The following COMT variants were observed in gnomAD, a reference collection of about 807,000 sequenced individuals.
The protein encoded by COMT is catechol-O-methyltransferase.
In COMT, 13 loss-of-function variants were observed where a neutral mutation model predicts 18.9. The observed-to-expected ratio is 0.69, with a 90% CI of 0.45 to 1.09. The LOEUF (loss-of-function observed/expected upper bound fraction) is 1.09, where lower values mean the gene tolerates loss of function less well. Ranked by LOEUF, COMT falls within the 50% of genes least tolerant of loss-of-function variation. The probability of loss-of-function intolerance (pLI) is 0.00; values close to 1 mark genes in which losing one functional copy is unlikely to be tolerated. For missense variants in COMT, 329 were observed against 361.8 expected (o/e 0.91, Z 0.73); for synonymous variants, 150 against 160.9 (o/e 0.93, Z 0.51).
intron 5 of COMT, chr22:19,967,013 A>C (rs534926620): frequency 4.1e-6 from 4 of 985,358 alleles, no homozygotes; most frequent in African/African-American, 3.5e-5. Flanking sequence ...AGCTGGTAGG[A>C]GGCTTGCAGT....
At chr22:19,943,478 C>CA (rs1941779954) in intron 1 of COMT, among the ~76,000 whole-genome samples, 2 of 151,862 alleles carry the variant, frequency 1.3e-5, no homozygotes, top group South Asian at 2.1e-4. Flanking sequence ...CCCATCTCTA[C>CA]AAAAAATTTA....
At chr22:19,964,635 G>A in intron 5 of COMT, 2 of 594,914 alleles carry the variant, frequency 3.4e-6, no homozygotes, top group Non-Finnish European at 6.0e-6. Context: ...AGATGGGGTG[G>A]GGAAGGGCCG....
At chr22:19,955,967 GA>G (rs2146146725) in intron 1 of COMT, among the ~76,000 whole-genome samples, 1 of 152,186 alleles carries the variant, frequency 6.6e-6, no homozygotes, top group East Asian at 1.9e-4. Flanking sequence ...CTCCCAGGAG[GA>G]GGAGAAAGAC....
At chr22:19,950,636 G>C (rs915745230) in intron 1 of COMT, among the ~76,000 whole-genome samples, 1 of 152,092 alleles carries the variant, frequency 6.6e-6, no homozygotes, top group Non-Finnish European at 1.5e-5. Context: ...GGGGCTGGAG[G>C]GGGAAGAGAG....
chr22:19,953,292 TTTG>T (rs1450999280), intron 1 of COMT, among the ~76,000 whole-genome samples: 11 of 152,172 alleles, frequency 7.2e-5, no homozygotes, highest in African/African-American at 1.9e-4. Context: ...GCTTTGTTTT[TTTG>T]TTGTTGTTTT....
intron 1 of COMT, among the ~76,000 whole-genome samples, chr22:19,949,984 A>C (rs72556506): frequency 1.6e-4 from 24 of 152,318 alleles, no homozygotes; most frequent in South Asian, 1.2e-3. Flanking sequence ...AAAAAGTACA[A>C]AAAGTTACGC....
intron 5 of COMT, chr22:19,966,831 G>T: frequency 3.2e-6 from 2 of 622,538 alleles, no homozygotes; most frequent in Non-Finnish European, 4.0e-6. Context: ...TGCAACCTCT[G>T]TGAGGCTCCA....
chr22:19,953,167 G>A (rs1161602807), intron 1 of COMT, among the ~76,000 whole-genome samples: 2 of 152,070 alleles, frequency 1.3e-5, no homozygotes, highest in Non-Finnish European at 2.9e-5. Context: ...TGGCCTGGGC[G>A]CTGGGGGTGG....
chr22:19,957,219 G>A (rs905394153), intron 1 of COMT, among the ~76,000 whole-genome samples: 2 of 152,134 alleles, frequency 1.3e-5, no homozygotes, highest in African/African-American at 4.8e-5. Context: ...CAAAGTGCTG[G>A]GATTACAGGC....
chr22:19,967,027 G>A (rs1285830339), intron 5 of COMT: 33 of 1,200,974 alleles, frequency 2.7e-5, no homozygotes, highest in Middle Eastern at 3.4e-4. Flanking sequence ...TTGCAGTGTC[G>A]GGCGACAGGC....
At chr22:19,968,428 G>A (rs969145196) in intron 5 of COMT, 108 bp from the exon 6 acceptor site, 1 of 1,101,220 alleles carries the variant, frequency 9.1e-7, no homozygotes, top group Non-Finnish European at 1.4e-6. Flanking sequence ...CCAGGGGCTA[G>A]GCACAGGCGT....
At chr22:19,947,743 A>AG (rs1941862970) in intron 1 of COMT, among the ~76,000 whole-genome samples, 1 of 152,210 alleles carries the variant, frequency 6.6e-6, no homozygotes, top group Admixed American at 6.5e-5. Context: ...AACTGTGGGC[A>AG]AACCTGACAC....
intron 1 of COMT, among the ~76,000 whole-genome samples, chr22:19,943,939 C>G (rs565194464): frequency 2.1e-4 from 32 of 152,224 alleles, no homozygotes; most frequent in African/African-American, 7.0e-4. Context: ...AGCAGCAGCT[C>G]CAGGCACAAA....
Position 19,963,701 on chromosome 22 carries a change from A to G in COMT, c.425A>G (p.Asn142Ser), listed in dbSNP as rs1569133686. The change falls in exon 4 of 6, where the codon AAC (asparagine) becomes AGC (serine). Residue 142 changes from asparagine (N) to serine (S), a missense_variant. Asn to Ser is a conservative substitution (Grantham distance 46). Coordinates refer to ENST00000361682, the MANE Select transcript of COMT (RefSeq NM_000754.4). Reference protein sequence around the residue: ...PGARLITIEINPDCAAITQRM... With the variant: ...PGARLITIEISPDCAAITQRM... ...GCGAGGCTCATCACCATCGAGATCA[A>G]CCCCGACTGTGCCGCCATCACCCAG... The G allele has an allele frequency of 1.2e-6, 2 of 1,612,698 alleles. No homozygotes were observed. Among genetic ancestry groups the G allele is most frequent in the African/African-American group, 2.7e-5 (2 of 74,900 alleles).
rs76452330 is a variant in COMT, at chr22:19,962,806, G to T, written c.280G>T (p.Asp94Tyr). The change falls in exon 3 of 6, where the codon GAC becomes TAC. Residue 94 changes from aspartate to tyrosine, a missense_variant. Coordinates refer to ENST00000361682, the MANE Select transcript of COMT (RefSeq NM_000754.4). ...EQKEWAMNVG[D>Y]KKGKIVDAVI... ...GAAGGAGTGGGCCATGAACGTGGGCGACAAGAAAGGTGGGGTCCGGGCCAG... is the reference window on the plus strand; with the variant it reads ...GAAGGAGTGGGCCATGAACGTGGGCTACAAGAAAGGTGGGGTCCGGGCCAG... 6.2e-7 allele frequency: 1 copy of T among 1,604,136 alleles called. No homozygotes were observed. Among genetic ancestry groups the T allele is most frequent in the Non-Finnish European group, 8.5e-7 (1 of 1,172,170 alleles).
intron 1 of COMT, among the ~76,000 whole-genome samples, chr22:19,953,321 C>T (rs1037606279): frequency 3.9e-5 from 6 of 152,106 alleles, no homozygotes; most frequent in Non-Finnish European, 8.8e-5. Context: ...GACAGAGTCT[C>T]GCTCTGTTGC....
intron 2 of COMT, 134 bp from the exon 3 acceptor site, chr22:19,962,393 G>A (rs930093376): frequency 2.7e-6 from 4 of 1,463,106 alleles, no homozygotes; most frequent in South Asian, 1.3e-5. Context: ...GGCAACTGAG[G>A]CACAAGGCTG....
chr22:19,963,563 C>A lies in COMT; in HGVS notation c.290-3C>A. The A allele has an allele frequency of 6.2e-7, 1 of 1,611,778 alleles. No individual in the cohort carries two copies. The highest frequency in any genetic ancestry group is 8.5e-7 in the Non-Finnish European group (1 of 1,179,968). On this transcript the variant is annotated splice_polypyrimidine_tract_variant and splice_region_variant and intron_variant, in intron 3 of 5. Coordinates refer to ENST00000361682, the MANE Select transcript of COMT (RefSeq NM_000754.4). ...CCTCTCCTCCGTCCCCAACCCTGCA[C>A]AGGCAAGATCGTGGACGCCGTGATT...
At chr22:19,942,831 G>A (rs774994049) in intron 1 of COMT, among the ~76,000 whole-genome samples, 1 of 152,208 alleles carries the variant, frequency 6.6e-6, no homozygotes, top group African/African-American at 2.4e-5. Flanking sequence ...AGTAGAGTTA[G>A]GGAAACAGAA....
Sources: gnomAD v4.1 joint callset for allele counts (sites outside exome capture counted in the v4.1 genomes callset) on GRCh38, gnomAD v4.1.1 for gene constraint, MANE v1.5 for transcripts, NCBI Gene and HGNC (gene_info 2026-07-23, HGNC 2026-07-21) for gene names.